The following TRPC7 variants were observed in gnomAD, a reference collection of about 807,000 sequenced individuals.
TRPC7 encodes transient receptor potential cation channel subfamily C member 7.
A neutral mutation model predicts 90.1 loss-of-function variants in TRPC7; 42 were observed. That is an observed-to-expected ratio of 0.47 (90% CI 0.36 to 0.60). The LOEUF is 0.60. Ranked by LOEUF, TRPC7 falls within the 20% of genes least tolerant of loss-of-function variation. The pLI, the probability that TRPC7 is intolerant of heterozygous loss-of-function variation, is 0.00. For missense variants in TRPC7, 955 were observed against 1,112.3 expected (o/e 0.86, Z 2.01); for synonymous variants, 451 against 436.3 (o/e 1.03, Z -0.42).
At chr5:136,288,398 G>C (rs1293178247) in intron 3 of TRPC7, among the ~76,000 whole-genome samples, 1 of 139,618 alleles carries the variant, frequency 7.2e-6, no homozygotes, top group African/African-American at 2.6e-5. Flanking sequence ...GTTAAGGTTA[G>C]AAGTAGAGAT....
chr5:136,357,081 G>C lies in TRPC7; in HGVS notation c.307C>G (p.Leu103Val). 3 of 1,613,972 alleles carry C rather than the reference G, an allele frequency of 1.9e-6. No homozygotes were observed. The highest frequency in any genetic ancestry group is 2.5e-6 in the Non-Finnish European group (3 of 1,179,946). ...VTELLLKKEN[L>V]ARVGDALLLA... ...AGCAGCGCGTCCCCCACCCGTGCCA[G>C]GTTCTCCTTCTTCAGCAGCAGCTCC... is the stretch of plus-strand genomic sequence containing the variant. Residue 103 changes from leucine to valine, a missense_variant, in exon 2 of 12, where the codon CTG becomes GTG. This residue lies in a region of TRPC7 where 161 missense variants were observed against 145.7 expected (regional missense o/e 1.10). Coordinates refer to ENST00000513104, the MANE Select transcript of TRPC7 (RefSeq NM_020389.3).
intron 7 of TRPC7, among the ~76,000 whole-genome samples, chr5:136,241,703 G>A (rs550956341): frequency 6.6e-6 from 1 of 152,024 alleles, no homozygotes; most frequent in South Asian, 2.1e-4. Flanking sequence ...AAACAGGTGC[G>A]AGCCACCACG....
chr5:136,283,254 G>A (rs1757601639), intron 3 of TRPC7, among the ~76,000 whole-genome samples: 1 of 152,226 alleles, frequency 6.6e-6, no homozygotes, highest in Non-Finnish European at 1.5e-5. Flanking sequence ...GGTGTGTGGG[G>A]TGTCTGCTTT....
At chr5:136,235,236 G>GA (rs1324317306) in intron 7 of TRPC7, among the ~76,000 whole-genome samples, 2 of 152,172 alleles carry the variant, frequency 1.3e-5, no homozygotes, top group African/African-American at 4.8e-5. Context: ...AAATCAATAT[G>GA]AAAATGACAG....
chr5:136,255,711 G>T (rs1756667031), intron 5 of TRPC7, among the ~76,000 whole-genome samples: 1 of 152,150 alleles, frequency 6.6e-6, no homozygotes, highest in South Asian at 2.1e-4. Flanking sequence ...TATGTGCTAG[G>T]CACTGCCATA....
intron 3 of TRPC7, among the ~76,000 whole-genome samples, chr5:136,280,650 T>C (rs1048787376): frequency 6.6e-6 from 1 of 152,158 alleles, no homozygotes; most frequent in Non-Finnish European, 1.5e-5. Flanking sequence ...TGTAGGAAAA[T>C]ATTGAAATAT....
At chr5:136,279,262 A>G (rs755866637) in intron 3 of TRPC7, among the ~76,000 whole-genome samples, 5 of 152,148 alleles carry the variant, frequency 3.3e-5, no homozygotes, top group Non-Finnish European at 7.4e-5. Context: ...TGCTCTGAGA[A>G]CTGTGCCTGT....
chr5:136,320,726 A>G (rs1320523702), intron 2 of TRPC7, among the ~76,000 whole-genome samples: 1 of 152,048 alleles, frequency 6.6e-6, no homozygotes, highest in Non-Finnish European at 1.5e-5. Context: ...CTATTCTTCA[A>G]ACACACTTAG....
At chr5:136,302,697 C>T (rs530913121) in intron 3 of TRPC7, among the ~76,000 whole-genome samples, 20 of 152,268 alleles carry the variant, frequency 1.3e-4, no homozygotes, top group Non-Finnish European at 2.2e-4. Flanking sequence ...AAAACAAACT[C>T]GACAGTAGTT....
intron 7 of TRPC7, among the ~76,000 whole-genome samples, chr5:136,237,360 TG>T (rs780833912): frequency 2.0e-5 from 3 of 152,230 alleles, no homozygotes; most frequent in Non-Finnish European, 4.4e-5. Context: ...CCATGCAGCC[TG>T]GGAACTCTTG....
At chr5:136,265,857 GC>G (rs1757007925) in intron 5 of TRPC7, among the ~76,000 whole-genome samples, 1 of 152,030 alleles carries the variant, frequency 6.6e-6, no homozygotes, top group African/African-American at 2.4e-5. Context: ...GAAATTTTGT[GC>G]CCTTTTTTAG....
At chr5:136,323,096 T>A (rs1307431590) in intron 2 of TRPC7, among the ~76,000 whole-genome samples, 1 of 152,178 alleles carries the variant, frequency 6.6e-6, no homozygotes, top group East Asian at 1.9e-4. Context: ...CATGGGGCGG[T>A]TTCCCCCATA....
chr5:136,360,792 T>G (rs978056913), intron 1 of TRPC7, among the ~76,000 whole-genome samples: 3 of 152,264 alleles, frequency 2.0e-5, no homozygotes, highest in Admixed American at 1.3e-4. Context: ...CACAATAGAC[T>G]ATGAAGCCAT....
chr5:136,340,564 TAC>T (rs1235454550), intron 2 of TRPC7, among the ~76,000 whole-genome samples: 3 of 152,148 alleles, frequency 2.0e-5, no homozygotes, highest in Non-Finnish European at 4.4e-5. Context: ...CATAAATATA[TAC>T]ACTTATTATT....
intron 7 of TRPC7, among the ~76,000 whole-genome samples, chr5:136,233,191 C>T (rs1755873265): frequency 6.6e-6 from 1 of 152,188 alleles, no homozygotes; most frequent in African/African-American, 2.4e-5. Flanking sequence ...ATTCTATTGT[C>T]AGTGTTTGTT....
intron 7 of TRPC7, among the ~76,000 whole-genome samples, chr5:136,244,146 C>T (rs1254152748): frequency 6.6e-6 from 1 of 151,648 alleles, no homozygotes; most frequent in African/African-American, 2.4e-5. Context: ...CCCTCCCCTC[C>T]CCTCCCTTCC....
intron 3 of TRPC7, among the ~76,000 whole-genome samples, chr5:136,287,924 G>A (rs1184375967): frequency 6.6e-6 from 1 of 152,094 alleles, no homozygotes; most frequent in Non-Finnish European, 1.5e-5. Context: ...GAATAACTGA[G>A]ACCAAAGTTC....
chr5:136,251,398 C>T (rs1756511800), intron 6 of TRPC7, among the ~76,000 whole-genome samples: 1 of 152,166 alleles, frequency 6.6e-6, no homozygotes, highest in Non-Finnish European at 1.5e-5. Flanking sequence ...TCACCCTTAA[C>T]ACAAAAAGAT....
At chr5:136,340,189 A>G (rs552457026) in intron 2 of TRPC7, among the ~76,000 whole-genome samples, 1 of 152,324 alleles carries the variant, frequency 6.6e-6, no homozygotes, top group South Asian at 2.1e-4. Context: ...TGAACCTAGA[A>G]GAATTATGAT....
Sources: allele counts gnomAD v4.1 joint callset (sites outside exome capture counted in the v4.1 genomes callset), GRCh38; gene constraint gnomAD v4.1.1; regional missense constraint gnomAD v4.1.1; transcripts MANE v1.5; gene names NCBI Gene and HGNC (gene_info 2026-07-23, HGNC 2026-07-21).